Variants in ZHX3 observed in about 807,000 individuals in gnomAD.
The protein encoded by ZHX3 is zinc fingers and homeoboxes 3.
A neutral mutation model predicts 64.5 loss-of-function variants in ZHX3; 20 were observed. The ratio of observed to expected loss-of-function variants is 0.31; its 90% CI spans 0.22 to 0.45. The LOEUF (loss-of-function observed/expected upper bound fraction) is 0.45, where lower values mean the gene tolerates loss of function less well. Ranked by LOEUF, ZHX3 falls within the 20% of genes least tolerant of loss-of-function variation. ZHX3 has a pLI of 1.00. For synonymous variants in ZHX3, 423 were observed against 461.6 expected (o/e 0.92, Z 1.07); for missense variants, 1,041 against 1,195.8 (o/e 0.87, Z 1.91).
At chr20:41,227,440 A>C (rs6102309) in intron 2 of ZHX3, among the ~76,000 whole-genome samples, 64,348 of 152,072 alleles carry the variant, frequency 0.42, 15,536 homozygotes, top group East Asian at 0.79. Flanking sequence ...TCAGGAATGA[A>C]GTACATATAT....
chr20:41,237,088 G>A lies in ZHX3; in HGVS notation c.-151+31902C>T, dbSNP rs1388623205. On this transcript the variant is annotated intron_variant, in intron 2 of 3. Coordinates refer to ENST00000683867, the MANE Select transcript of ZHX3 (RefSeq NM_001384317.1). The stretch of plus-strand genomic sequence containing the variant: ...ATACCATCTCACACCAGTTAGAATG[G>A]CAATCATTAAAAAGTCAGGAAACAA... 2.6e-5 allele frequency among the ~76,000 whole-genome samples: 4 copies of A among 152,260 alleles called. No individual in the cohort carries two copies. The East Asian group carries it at 7.7e-4, about 29-fold the overall frequency.
intron 1 of ZHX3, among the ~76,000 whole-genome samples, chr20:41,305,456 C>T (rs1241566722): frequency 6.6e-6 from 1 of 152,144 alleles, no homozygotes; most frequent in Non-Finnish European, 1.5e-5. Flanking sequence ...CACACCACTG[C>T]ACTCCAGTCT....
chr20:41,184,962 T>C lies in ZHX3; in HGVS notation c.*229A>G, dbSNP rs183600182. 1.3e-6 allele frequency: 2 copies of C among 1,547,502 alleles called. No homozygotes were observed. Among genetic ancestry groups the C allele is most frequent in the African/African-American group, 2.7e-5 (2 of 73,158 alleles). ...AAGGTAAAGGAAAGGTCCTACATTGTGGGAGGAAGAACTGATGAGAACCCC... is the reference window on the plus strand; with the variant it reads ...AAGGTAAAGGAAAGGTCCTACATTGCGGGAGGAAGAACTGATGAGAACCCC... On this transcript the variant is annotated 3_prime_UTR_variant, in exon 4 of 4. Transcript: ENST00000683867.
chr20:41,309,575 G>C (rs991958364), intron 1 of ZHX3, among the ~76,000 whole-genome samples: 1 of 152,116 alleles, frequency 6.6e-6, no homozygotes, highest in Non-Finnish European at 1.5e-5. Context: ...TAATGAACCT[G>C]GGCCATGGCC....
At chr20:41,301,412 G>A (rs2044798495) in intron 1 of ZHX3, among the ~76,000 whole-genome samples, 1 of 152,112 alleles carries the variant, frequency 6.6e-6, no homozygotes, top group African/African-American at 2.4e-5. Flanking sequence ...TGCCCTGTAA[G>A]TTCTTGAGTG....
At chr20:41,243,304 C>T (rs1052006539) in intron 2 of ZHX3, among the ~76,000 whole-genome samples, 1 of 152,162 alleles carries the variant, frequency 6.6e-6, no homozygotes, top group African/African-American at 2.4e-5. Flanking sequence ...AATTACCTGA[C>T]GTGGCTGCCT....
rs900183974 is a variant in ZHX3 at position 41,269,716 on chromosome 20, T to C, written c.-244-633A>G. Among the ~76,000 whole-genome samples the C allele has an allele frequency of 2.0e-5, 3 of 152,312 alleles. No individual in the cohort carries two copies. In the South Asian group the frequency reaches 6.2e-4, roughly 32 times the overall value. On this transcript the variant is annotated intron_variant, in intron 1 of 3. Coordinates refer to ENST00000683867, the MANE Select transcript of ZHX3 (RefSeq NM_001384317.1). ...TTCTTATTTCTTTCTTGAAGAATTA[T>C]CTTTGATTGAGATGCCCATTAGCAG... is the stretch of plus-strand genomic sequence containing the variant.
chr20:41,286,966 A>T (rs1286930059), intron 1 of ZHX3, among the ~76,000 whole-genome samples: 3 of 152,102 alleles, frequency 2.0e-5, no homozygotes, highest in Admixed American at 2.0e-4. Context: ...CCCTTCCACC[A>T]TGACTGTAAG....
At chr20:41,268,045 G>C (rs1262869606) in intron 2 of ZHX3, among the ~76,000 whole-genome samples, 1 of 152,228 alleles carries the variant, frequency 6.6e-6, no homozygotes, top group Non-Finnish European at 1.5e-5. Context: ...CTGAAGCATA[G>C]GGAAGGTGCC....
intron 1 of ZHX3, among the ~76,000 whole-genome samples, chr20:41,284,906 A>G (rs901792545): frequency 6.6e-6 from 1 of 152,134 alleles, no homozygotes; most frequent in African/African-American, 2.4e-5. Context: ...TCCTAGATAC[A>G]AGCATTCACT....
intron 1 of ZHX3, among the ~76,000 whole-genome samples, chr20:41,316,426 C>T (rs1428984414): frequency 6.6e-6 from 1 of 152,128 alleles, no homozygotes; most frequent in East Asian, 1.9e-4. Flanking sequence ...TTTTAGGATG[C>T]ATTTTCTCTT....
intron 2 of ZHX3, among the ~76,000 whole-genome samples, chr20:41,239,256 G>A (rs534227934): frequency 2.4e-4 from 36 of 151,606 alleles, no homozygotes; most frequent in Middle Eastern, 3.4e-3. Flanking sequence ...TGATCCGCCC[G>A]CCTCGGCCTC....
intron 3 of ZHX3, among the ~76,000 whole-genome samples, chr20:41,197,550 T>C (rs2037843487): frequency 6.6e-6 from 1 of 151,776 alleles, no homozygotes; most frequent in Non-Finnish European, 1.5e-5. Flanking sequence ...TCAACCTCCT[T>C]GTGTCCTTAT....
chr20:41,275,761 T>C (rs1288913901), intron 1 of ZHX3, among the ~76,000 whole-genome samples: 2 of 152,176 alleles, frequency 1.3e-5, no homozygotes, highest in Admixed American at 6.5e-5. Flanking sequence ...GTCCTATCTT[T>C]AGGGCTCACA....
intron 2 of ZHX3, among the ~76,000 whole-genome samples, chr20:41,235,622 C>G (rs2040926734): frequency 6.6e-6 from 1 of 152,168 alleles, no homozygotes; most frequent in African/African-American, 2.4e-5. Flanking sequence ...GGACGTATCT[C>G]AAAATAGTAA....
rs995410557 is a variant in ZHX3, at chr20:41,228,604, G to A, written c.-150-23538C>T. Among the ~76,000 whole-genome samples the A allele has an allele frequency of 3.3e-5, 5 of 152,044 alleles. No individual in the cohort carries two copies. The highest frequency in any genetic ancestry group is 7.4e-5 in the Non-Finnish European group (5 of 68,000). On this transcript the variant is annotated intron_variant, in intron 2 of 3. Coordinates refer to ENST00000683867, the MANE Select transcript of ZHX3 (RefSeq NM_001384317.1). The surrounding 1 kb of genome is among the most constrained non-coding windows in gnomAD (Gnocchi z 4.6). ...GGCAGAAGGGACCAGGGAGTGTCTG[G>A]GGTCTCTTTTATAAGGCCACTAGTT...
chr20:41,234,338 G>A (rs1240367574), intron 2 of ZHX3, among the ~76,000 whole-genome samples: 1 of 152,196 alleles, frequency 6.6e-6, no homozygotes, highest in East Asian at 1.9e-4. Flanking sequence ...TGTGTGATTA[G>A]GGTTTGAAAG....
intron 3 of ZHX3, among the ~76,000 whole-genome samples, chr20:41,199,180 A>T (rs1203252659): frequency 6.6e-6 from 1 of 152,190 alleles, no homozygotes; most frequent in Non-Finnish European, 1.5e-5. Context: ...CTCGCTGAAC[A>T]TACTTAAGAT....
At chr20:41,209,081 C>T (rs1194076881) in intron 2 of ZHX3, among the ~76,000 whole-genome samples, 1 of 152,170 alleles carries the variant, frequency 6.6e-6, no homozygotes, top group Admixed American at 6.5e-5. Context: ...TGAGTGAACT[C>T]CCATTCACGA....
Sources: gnomAD v4.1 joint callset for allele counts (sites outside exome capture counted in the v4.1 genomes callset) on GRCh38, gnomAD v4.1.1 for gene constraint, Gnocchi (gnomAD v3.1) non-coding constraint, MANE v1.5 for transcripts, NCBI Gene and HGNC (gene_info 2026-07-23, HGNC 2026-07-21) for gene names.